The following ZC3H12B variants were observed in gnomAD, a reference collection of about 807,000 sequenced individuals.
ZC3H12B encodes the protein zinc finger CCCH-type containing 12B, also known as probable ribonuclease ZC3H12B.
ZC3H12B carries 7 observed loss-of-function variants against 43.9 expected under a neutral mutation model. That is an observed-to-expected ratio of 0.16 (90% confidence interval 0.09 to 0.30). ZC3H12B has a LOEUF of 0.30. Among genes scored for constraint, ZC3H12B ranks in the 10% least tolerant of loss-of-function variants. The probability of loss-of-function intolerance (pLI) is 1.00; values close to 1 mark genes in which losing one functional copy is unlikely to be tolerated. For missense variants in ZC3H12B, 475 were observed against 670.2 expected, an observed-to-expected ratio of 0.71 and a Z score of 3.22; for synonymous variants, 222 against 241.7, an observed-to-expected ratio of 0.92 and a Z score of 0.76.
At chrX:65,076,339 A>G in the ZC3H12B span, among the ~76,000 whole-genome samples, 2 of 109,948 alleles carry the variant, frequency 1.8e-5, no homozygotes, top group Non-Finnish European at 3.8e-5. Flanking sequence ...AGGTCTCACT[A>G]TGTTGCCCAG....
the ZC3H12B span, among the ~76,000 whole-genome samples, chrX:65,269,776 A>T: frequency 9.0e-6 from 1 of 111,032 alleles, no homozygotes; most frequent in Non-Finnish European, 1.9e-5. Flanking sequence ...CTGGGCTTAA[A>T]GGAATAAGCC....
intron 3 of ZC3H12B, among the ~76,000 whole-genome samples, chrX:65,421,961 AAAG>A (rs2096834804): frequency 9.0e-6 from 1 of 110,607 alleles, no homozygotes; most frequent in Admixed American, 9.6e-5. Flanking sequence ...AAAAAAAAAA[AAAG>A]AAGTGCAGCA....
the ZC3H12B span, among the ~76,000 whole-genome samples, chrX:65,119,921 G>A: frequency 9.0e-6 from 1 of 111,557 alleles, no homozygotes; most frequent in East Asian, 2.8e-4. Flanking sequence ...CCCCATTTCT[G>A]GTTTTTGTCA....
At chrX:65,192,173 T>C in the ZC3H12B span, among the ~76,000 whole-genome samples, 3 of 109,706 alleles carry the variant, frequency 2.7e-5, no homozygotes, top group Middle Eastern at 4.3e-3. Flanking sequence ...AGATAGTTTG[T>C]TATAATTTCT....
At chrX:65,405,981 A>G (rs1396364007) in intron 3 of ZC3H12B, among the ~76,000 whole-genome samples, 3 of 111,750 alleles carry the variant, frequency 2.7e-5, no homozygotes, top group Admixed American at 9.5e-5. Flanking sequence ...ATAACAAGTA[A>G]TAAGATCAAA....
the ZC3H12B span, among the ~76,000 whole-genome samples, chrX:65,103,055 G>T: frequency 9.0e-6 from 1 of 111,462 alleles, no homozygotes; most frequent in Non-Finnish European, 1.9e-5. Flanking sequence ...ATCTTATCAG[G>T]AGACAGGGTT....
intron 3 of ZC3H12B, among the ~76,000 whole-genome samples, chrX:65,466,915 AATATATATATATATATATATATAT>A (rs58150008): frequency 0.039 from 940 of 23,941 alleles, 69 homozygotes; most frequent in Admixed American, 0.19. Context: ...TATAAAACCA[AATATATATATATATATATATATAT>A]ATATATATAT....
chrX:65,219,733 AAAT>A, the ZC3H12B span, among the ~76,000 whole-genome samples: 1 of 110,099 alleles, frequency 9.1e-6, no homozygotes, highest in African/African-American at 3.3e-5. Context: ...GTATTTGAGG[AAAT>A]AATAAAGGAA....
the ZC3H12B span, among the ~76,000 whole-genome samples, chrX:65,055,356 G>A: frequency 1.8e-5 from 2 of 111,765 alleles, no homozygotes; most frequent in African/African-American, 6.5e-5. Context: ...TGTGGTTTTT[G>A]TCATTGGTTC....
chrX:65,161,334 G>A, the ZC3H12B span, among the ~76,000 whole-genome samples: 24 of 111,379 alleles, frequency 2.2e-4, no homozygotes, highest in Admixed American at 5.8e-4. Flanking sequence ...TTTCTGTCTC[G>A]TTGATCTGTC....
the ZC3H12B span, among the ~76,000 whole-genome samples, chrX:65,060,988 C>A: frequency 9.0e-6 from 1 of 111,301 alleles, no homozygotes; most frequent in East Asian, 2.8e-4. Flanking sequence ...CTGTGTCAAT[C>A]TTGGTAGGTT....
At chrX:65,211,977 T>A in the ZC3H12B span, among the ~76,000 whole-genome samples, 1 of 69,239 alleles carries the variant, frequency 1.4e-5, no homozygotes, top group African/African-American at 6.1e-5. Flanking sequence ...TTATGTATAC[T>A]ATATAATATA....
chrX:65,468,747 G>A (rs775314106), intron 3 of ZC3H12B, among the ~76,000 whole-genome samples: 6 of 103,720 alleles, frequency 5.8e-5, no homozygotes, highest in South Asian at 4.5e-4. Context: ...CGGCCTCCAC[G>A]CCTGGCCTAG....
chrX:65,066,327 G>A, the ZC3H12B span, among the ~76,000 whole-genome samples: 1 of 111,182 alleles, frequency 9.0e-6, no homozygotes, highest in African/African-American at 3.3e-5. Flanking sequence ...TGGGTTTTTT[G>A]TGGGTGTTCT....
At chrX:65,126,184 G>A in the ZC3H12B span, among the ~76,000 whole-genome samples, 107 of 110,312 alleles carry the variant, frequency 9.7e-4, 1 homozygote, top group Admixed American at 0.01. Flanking sequence ...TGGCTTGGTA[G>A]TGGCATATTC....
chrX:65,255,360 A>G, the ZC3H12B span, among the ~76,000 whole-genome samples: 1 of 112,064 alleles, frequency 8.9e-6, no homozygotes, highest in African/African-American at 3.2e-5. Context: ...GGAACCTTCA[A>G]TAAAAACCCT....
At chrX:65,180,652 C>T in the ZC3H12B span, among the ~76,000 whole-genome samples, 1 of 111,222 alleles carries the variant, frequency 9.0e-6, no homozygotes, top group Non-Finnish European at 1.9e-5. Context: ...CATGAGTAAA[C>T]TGCCATTCAG....
At chrX:65,361,696 G>T (rs1045035306), upstream of ZC3H12B, among the ~76,000 whole-genome samples, 3 of 109,863 alleles carry the variant, frequency 2.7e-5, no homozygotes, top group Non-Finnish European at 5.7e-5. Context: ...CCAGAGGAAG[G>T]CCATCTTACT....
At chrX:65,209,553 A>G in the ZC3H12B span, among the ~76,000 whole-genome samples, 1 of 104,639 alleles carries the variant, frequency 9.6e-6, no homozygotes, top group Admixed American at 1.1e-4. Context: ...ATAGTTTGCT[A>G]TAATTTCTGT....
Sources: gnomAD v4.1 joint callset for allele counts (sites outside exome capture counted in the v4.1 genomes callset) on GRCh38, gnomAD v4.1.1 for gene constraint, MANE v1.5 for transcripts, NCBI Gene and HGNC (gene_info 2026-07-23, HGNC 2026-07-21) for gene names.